PAMR1: variants seen among roughly 807,000 people sequenced by gnomAD.
The protein encoded by PAMR1 is peptidase domain containing associated with muscle regeneration 1, also known as inactive serine protease PAMR1.
PAMR1 carries 88 observed loss-of-function variants against 81.8 expected under a neutral mutation model. The observed-to-expected ratio is 1.08, with a 90% confidence interval of 0.91 to 1.28. The LOEUF (loss-of-function observed/expected upper bound fraction) is 1.28, where lower values mean the gene tolerates loss of function less well. Ranked by LOEUF, PAMR1 falls within the 50% of genes most tolerant of loss-of-function variation. The probability of loss-of-function intolerance (pLI) is 0.00; values close to 1 mark genes in which losing one functional copy is unlikely to be tolerated. For synonymous variants in PAMR1, 336 were observed against 345.3 expected (o/e 0.97, Z 0.30); for missense variants, 935 against 919.7 (o/e 1.02, Z -0.21).
chr11:35,464,566 T>C (rs1856723403), intron 6 of PAMR1, among the ~76,000 whole-genome samples: 1 of 152,134 alleles, frequency 6.6e-6, no homozygotes, highest in Non-Finnish European at 1.5e-5. Flanking sequence ...CCAACACTGT[T>C]TCCAGACATT....
chr11:35,477,505 C>T (rs1850304197), intron 3 of PAMR1, among the ~76,000 whole-genome samples: 1 of 152,180 alleles, frequency 6.6e-6, no homozygotes, highest in Non-Finnish European at 1.5e-5. Flanking sequence ...AATCTGACTG[C>T]CCTTGGTTTG....
chr11:35,451,426 C>A (rs1019712829), intron 6 of PAMR1, among the ~76,000 whole-genome samples: 2 of 152,200 alleles, frequency 1.3e-5, no homozygotes, highest in Non-Finnish European at 1.5e-5. Flanking sequence ...GATGTGTATT[C>A]TTTTATAATC....
intron 6 of PAMR1, among the ~76,000 whole-genome samples, chr11:35,462,241 C>G (rs1786537939): frequency 6.6e-6 from 1 of 152,072 alleles, no homozygotes; most frequent in Admixed American, 6.5e-5. Context: ...CTAGTTTCTC[C>G]CCATCATTAC....
chr11:35,503,668 C>T (rs1293635427), intron 1 of PAMR1, among the ~76,000 whole-genome samples: 3 of 151,848 alleles, frequency 2.0e-5, no homozygotes. Context: ...ATTTGTTTTT[C>T]AGATTATGTT....
intron 9 of PAMR1, 133 bp from the exon 10 acceptor site, chr11:35,434,937 C>A: frequency 1.3e-6 from 1 of 793,550 alleles, no homozygotes; most frequent in Non-Finnish European, 2.0e-6. Flanking sequence ...GATAAGTAAC[C>A]CAGTTTTCTT....
chr11:35,507,446 G>A (rs11033152), intron 1 of PAMR1, among the ~76,000 whole-genome samples: 1 of 152,114 alleles, frequency 6.6e-6, no homozygotes, highest in Non-Finnish European at 1.5e-5. Flanking sequence ...GTATTTCTCA[G>A]TTCCAAGATT....
At chr11:35,469,105 T>A (rs1856806364) in intron 5 of PAMR1, among the ~76,000 whole-genome samples, 1 of 152,182 alleles carries the variant, frequency 6.6e-6, no homozygotes, top group African/African-American at 2.4e-5. Flanking sequence ...AAGCCATAGC[T>A]TGTTGGAGCA....
chr11:35,435,854 G>T, intron 9 of PAMR1, 49 bp downstream of exon 9: 1 of 1,370,762 alleles, frequency 7.3e-7, no homozygotes, highest in Non-Finnish European at 1.0e-6. Flanking sequence ...TTCTCAGGCA[G>T]TCATGAAAGA....
intron 7 of PAMR1, among the ~76,000 whole-genome samples, chr11:35,440,405 G>C (rs1856140335): frequency 6.6e-6 from 1 of 152,200 alleles, no homozygotes; most frequent in Non-Finnish European, 1.5e-5. Flanking sequence ...ATTTGTGCTG[G>C]TGGGGATGAA....
intron 3 of PAMR1, 104 bp from the exon 4 acceptor site, chr11:35,474,848 C>T: frequency 1.4e-6 from 1 of 705,872 alleles, no homozygotes; most frequent in East Asian, 2.8e-5. Flanking sequence ...CCCCTGAGAA[C>T]AGGATGAATA....
At chr11:35,524,620 G>C (rs546534180) in intron 1 of PAMR1, among the ~76,000 whole-genome samples, 12 of 152,200 alleles carry the variant, frequency 7.9e-5, no homozygotes, top group African/African-American at 2.9e-4. Context: ...TGCCCCGTTT[G>C]GTCATTTCTG....
Position 35,502,005 on chromosome 11 carries a change from G to A in PAMR1, c.74-7733C>T, listed in dbSNP as rs186760918. ...TAGTTTGCTGAGAAACCTCCATACA[G>A]TTTTCCATAATGGCTGCACTAATAT... On this transcript the variant is annotated intron_variant, in intron 1 of 10. Transcript: ENST00000619888. Among the ~76,000 whole-genome samples the A allele has an allele frequency of 8.5e-5, 13 of 152,236 alleles. No individual in the cohort carries two copies. In the East Asian group the frequency reaches 2.5e-3, roughly 29 times the overall value.
intron 2 of PAMR1, among the ~76,000 whole-genome samples, chr11:35,492,868 G>A (rs192324360): frequency 5.3e-4 from 80 of 152,284 alleles, no homozygotes; most frequent in South Asian, 1.9e-3. Context: ...GAGGGGGGTC[G>A]TGAGAAAAAG....
upstream of PAMR1, among the ~76,000 whole-genome samples, chr11:35,527,593 C>T (rs1851413076): frequency 6.6e-6 from 1 of 152,156 alleles, no homozygotes; most frequent in Non-Finnish European, 1.5e-5. Flanking sequence ...GGGAGGTTCA[C>T]CTTGTTGCTG....
At chr11:35,524,827 T>C (rs1036975112) in intron 1 of PAMR1, among the ~76,000 whole-genome samples, 1 of 152,178 alleles carries the variant, frequency 6.6e-6, no homozygotes, top group South Asian at 2.1e-4. Context: ...GACCTGGGGA[T>C]TGTGGCTTAG....
chr11:35,437,585 G>GA (rs1555030874), intron 8 of PAMR1, among the ~76,000 whole-genome samples: 1 of 152,262 alleles, frequency 6.6e-6, no homozygotes, highest in Non-Finnish European at 1.5e-5. Flanking sequence ...GCTTCTGGAT[G>GA]AGGAGGTGGC....
chr11:35,474,608 A>G, intron 4 of PAMR1, 22 bp downstream of exon 4: 1 of 1,403,608 alleles, frequency 7.1e-7, no homozygotes, highest in East Asian at 2.4e-5. Flanking sequence ...CAGACTCCTG[A>G]CTTCTGGCCC....
At position 35,470,763 on chromosome 11, in the gene PAMR1, C is replaced by T; in HGVS notation, c.550G>A (p.Val184Ile). ...DYMCQYDYVE[V>I]RDGDNRDGQI... ...CCATCGCGGTTGTCTCCATCACGAACCTCAACATAGTCATACTGGCACATG... is the reference window on the plus strand; with the variant it reads ...CCATCGCGGTTGTCTCCATCACGAATCTCAACATAGTCATACTGGCACATG... The change falls in exon 5 of 11, where the codon GTT becomes ATT. Residue 184 changes from valine (V) to isoleucine (I), a missense_variant. By Grantham distance (29) the Val-to-Ile change is conservative. Coordinates refer to ENST00000619888, the MANE Select transcript of PAMR1 (RefSeq NM_001001991.3). 6.2e-7 allele frequency: 1 copy of T among 1,614,118 alleles called. No homozygotes were observed. Among genetic ancestry groups the T allele is most frequent in the Non-Finnish European group, 8.5e-7 (1 of 1,179,992 alleles).
At position 35,432,607 on chromosome 11, in the gene PAMR1, C is replaced by T. The variant is rs775832642; in HGVS notation, c.1912G>A (p.Gly638Ser). 1 of 1,614,098 alleles carries T rather than the reference C, an allele frequency of 6.2e-7. No homozygotes were observed. Among genetic ancestry groups the T allele is most frequent in the Non-Finnish European group, 8.5e-7 (1 of 1,179,982 alleles). The change falls in exon 11 of 11, where the codon GGC (glycine) becomes AGC (serine). Residue 638 changes from glycine to serine, a missense_variant. Coordinates refer to ENST00000619888, the MANE Select transcript of PAMR1 (RefSeq NM_001001991.3). ...TTATCAGTGACACTCACTGGGATGC[C>T]ATGGTCCTCATGCTGCTCCTCACAC... ...LLCEEQHEDH[G>S]IPVSVTDNMF... is the part of the protein sequence containing the mutation.
Sources: gnomAD v4.1 joint callset for allele counts (sites outside exome capture counted in the v4.1 genomes callset) on GRCh38, gnomAD v4.1.1 for gene constraint, MANE v1.5 for transcripts, NCBI Gene and HGNC (gene_info 2026-07-23, HGNC 2026-07-21) for gene names.